Variants in MDGA2 observed in about 807,000 individuals in gnomAD.
MDGA2 encodes the protein MAM domain containing glycosylphosphatidylinositol anchor 2, also known as MAM domain-containing glycosylphosphatidylinositol anchor protein 2.
In MDGA2, 40 loss-of-function variants were observed where a neutral mutation model predicts 117.8. The ratio of observed to expected loss-of-function variants is 0.34; its 90% CI spans 0.26 to 0.44. The LOEUF is 0.44. Among genes scored for constraint, MDGA2 ranks in the 20% least tolerant of loss-of-function variants. MDGA2 has a pLI of 1.00. For synonymous variants in MDGA2, 452 were observed against 439.0 expected, an observed-to-expected ratio of 1.03 and a Z score of -0.37; for missense variants, 1,123 against 1,250.6, an observed-to-expected ratio of 0.90 and a Z score of 1.54.
chr14:47,104,114 C>T (rs1417595091), intron 5 of MDGA2, among the ~76,000 whole-genome samples: 3 of 152,140 alleles, frequency 2.0e-5, no homozygotes, highest in African/African-American at 4.8e-5. Flanking sequence ...CATTAGAGCA[C>T]GGTGAGCAAA....
chr14:47,464,824 G>C (rs954974601), intron 1 of MDGA2, among the ~76,000 whole-genome samples: 2 of 152,002 alleles, frequency 1.3e-5, no homozygotes, highest in Admixed American at 1.3e-4. Flanking sequence ...CTAGAAAAAC[G>C]ATTTTAAAAC....
intron 9 of MDGA2, among the ~76,000 whole-genome samples, chr14:46,941,660 TG>T (rs1371726995): frequency 1.3e-5 from 2 of 152,024 alleles, no homozygotes; most frequent in Non-Finnish European, 2.9e-5. Flanking sequence ...AAAATCTAAA[TG>T]TGCTAAGAGG....
intron 2 of MDGA2, among the ~76,000 whole-genome samples, chr14:47,285,085 A>G (rs1274113712): frequency 1.3e-5 from 2 of 152,072 alleles, no homozygotes; most frequent in African/African-American, 2.4e-5. Flanking sequence ...GGATCCAAAG[A>G]TATATTAGAG....
intron 9 of MDGA2, among the ~76,000 whole-genome samples, chr14:46,935,905 C>CA (rs1364259071): frequency 6.6e-6 from 1 of 152,024 alleles, no homozygotes; most frequent in Non-Finnish European, 1.5e-5. Flanking sequence ...TCATTAGGCA[C>CA]AGGAGTCACA....
At chr14:46,850,467 A>G (rs1019217045) in intron 15 of MDGA2, among the ~76,000 whole-genome samples, 1 of 151,856 alleles carries the variant, frequency 6.6e-6, no homozygotes, top group Non-Finnish European at 1.5e-5. Flanking sequence ...ACAAAAGGCA[A>G]ATCACTTCTA....
intron 9 of MDGA2, among the ~76,000 whole-genome samples, chr14:46,933,432 T>C (rs1175160110): frequency 2.6e-5 from 4 of 151,976 alleles, no homozygotes; most frequent in Non-Finnish European, 5.9e-5. Context: ...AAAAGGATCA[T>C]AATACACAAA....
At chr14:47,102,366 A>AACACAC (rs3039394) in intron 5 of MDGA2, among the ~76,000 whole-genome samples, 1 of 148,286 alleles carries the variant, frequency 6.7e-6, no homozygotes, top group South Asian at 2.1e-4. Flanking sequence ...AGGAAGGAGA[A>AACACAC]ACACACACAC....
intron 8 of MDGA2, among the ~76,000 whole-genome samples, chr14:47,022,105 G>C (rs1052021292): frequency 6.6e-6 from 1 of 151,838 alleles, no homozygotes; most frequent in Non-Finnish European, 1.5e-5. Context: ...TTTTTTTCGA[G>C]ACAGGGTTTC....
chr14:47,011,224 C>A (rs565015822), intron 8 of MDGA2, among the ~76,000 whole-genome samples: 82 of 151,982 alleles, frequency 5.4e-4, no homozygotes, highest in Non-Finnish European at 1.1e-3. Context: ...AAAATGACTT[C>A]CCACATAGCA....
intron 3 of MDGA2, chr14:47,200,505 A>G (rs1417830647): frequency 1.8e-6 from 1 of 555,972 alleles, no homozygotes; most frequent in Non-Finnish European, 2.9e-6. Flanking sequence ...CCCTTTTTCT[A>G]TTTTTCTTTT....
chr14:47,390,780 G>C (rs1891876513), intron 1 of MDGA2, among the ~76,000 whole-genome samples: 1 of 152,046 alleles, frequency 6.6e-6, no homozygotes. Flanking sequence ...GGGAGATTTT[G>C]TTTCTAATTT....
intron 1 of MDGA2, among the ~76,000 whole-genome samples, chr14:47,592,842 C>T (rs965448247): frequency 2.6e-5 from 4 of 152,006 alleles, no homozygotes; most frequent in Non-Finnish European, 5.9e-5. Context: ...GATTTCATGA[C>T]GAAAATGTCA....
intron 1 of MDGA2, among the ~76,000 whole-genome samples, chr14:47,598,305 C>T (rs76226834): frequency 0.075 from 11,425 of 152,134 alleles, 1,420 homozygotes; most frequent in African/African-American, 0.26. Context: ...CTACATAGCC[C>T]GTCAATTCTA....
At chr14:47,036,806 C>T (rs990032266) in intron 7 of MDGA2, among the ~76,000 whole-genome samples, 1 of 152,182 alleles carries the variant, frequency 6.6e-6, no homozygotes, top group Non-Finnish European at 1.5e-5. Flanking sequence ...CAAATAAATT[C>T]AAGTTCAAAG....
At chr14:46,922,500 C>A (rs1003674856) in intron 9 of MDGA2, among the ~76,000 whole-genome samples, 2 of 152,072 alleles carry the variant, frequency 1.3e-5, no homozygotes, top group Non-Finnish European at 2.9e-5. Flanking sequence ...ACTGGCACTT[C>A]AAAATTATCT....
chr14:47,481,815 C>CA (rs1014183852), intron 1 of MDGA2, among the ~76,000 whole-genome samples: 4 of 151,696 alleles, frequency 2.6e-5, no homozygotes, highest in Non-Finnish European at 4.4e-5. Flanking sequence ...TAAAATGCTA[C>CA]AAAAAAATGC....
chr14:47,549,852 A>T (rs1392009112), intron 1 of MDGA2, among the ~76,000 whole-genome samples: 1 of 152,156 alleles, frequency 6.6e-6, no homozygotes, highest in Admixed American at 6.5e-5. Flanking sequence ...CCAAGAAGAG[A>T]GCCCTCACCA....
At chr14:47,175,027 G>A (rs1179054122) in intron 3 of MDGA2, among the ~76,000 whole-genome samples, 18 of 152,032 alleles carry the variant, frequency 1.2e-4, no homozygotes, top group African/African-American at 2.2e-4. Flanking sequence ...ACACCTCTAC[G>A]CAAATAAACT....
chr14:47,121,088 T>G (rs2139103857), intron 5 of MDGA2, among the ~76,000 whole-genome samples: 1 of 152,184 alleles, frequency 6.6e-6, no homozygotes, highest in East Asian at 1.9e-4. Flanking sequence ...GGGGAAAAAC[T>G]CACTCATTTA....
Sources: allele counts gnomAD v4.1 joint callset (sites outside exome capture counted in the v4.1 genomes callset), GRCh38; gene constraint gnomAD v4.1.1; transcripts MANE v1.5; gene names NCBI Gene and HGNC (gene_info 2026-07-23, HGNC 2026-07-21).